Variants in GRIA4 observed in about 807,000 individuals in gnomAD.
GRIA4 encodes glutamate receptor 4.
A neutral mutation model predicts 104.0 loss-of-function variants in GRIA4; 34 were observed. The observed-to-expected ratio is 0.33, with a 90% CI of 0.25 to 0.44. The LOEUF (loss-of-function observed/expected upper bound fraction) is 0.44. Ranked by LOEUF, GRIA4 falls within the 20% of genes least tolerant of loss-of-function variation. GRIA4 has a pLI of 1.00. For synonymous variants in GRIA4, 386 were observed against 381.9 expected (o/e 1.01, Z -0.13); for missense variants, 750 against 1,096.5 (o/e 0.68, Z 4.46).
intron 5 of GRIA4, among the ~76,000 whole-genome samples, chr11:105,873,835 G>A (rs927966569): frequency 6.6e-6 from 1 of 152,132 alleles, no homozygotes; most frequent in Non-Finnish European, 1.5e-5. Flanking sequence ...CAGATGGATA[G>A]ATTGCAAAAA....
Position 105,611,037 on chromosome 11 carries a change from G to A in GRIA4, c.40G>A (p.Gly14Arg), listed in dbSNP as rs1280882533. Reference protein sequence around the residue: ...ISRQIVLLFSGFWGLAMGAFP... With the variant: ...ISRQIVLLFSRFWGLAMGAFP... ...CAGACAGATTGTCTTGTTATTTTCT[G>A]GATTTTGGGGACTCGCCATGGGAGC... is the stretch of plus-strand genomic sequence containing the variant. Residue 14 changes from glycine to arginine, a missense_variant, in exon 2 of 17, where the codon GGA (glycine) becomes AGA (arginine). Coordinates refer to ENST00000282499, the MANE Select transcript of GRIA4 (RefSeq NM_000829.4). The A allele has an allele frequency of 6.2e-7, 1 of 1,613,628 alleles. No homozygotes were observed. The highest frequency in any genetic ancestry group is 8.5e-7 in the Non-Finnish European group (1 of 1,179,712).
At chr11:105,610,878 T>TTTTTTTTTG in intron 1 of GRIA4, 30 bp from the exon 2 acceptor site, 1 of 474,340 alleles carries the variant, frequency 2.1e-6, no homozygotes, top group South Asian at 4.4e-5. Flanking sequence ...TTCTTTTTTT[T>TTTTTTTTTG]TTTTTTTTTT....
At chr11:105,680,119 G>GCC (rs1952662360) in intron 3 of GRIA4, among the ~76,000 whole-genome samples, 1 of 152,110 alleles carries the variant, frequency 6.6e-6, no homozygotes, top group Non-Finnish European at 1.5e-5. Context: ...TGCCTAAGTG[G>GCC]TTAACATCTA....
At chr11:105,789,528 C>T (rs763845230) in intron 4 of GRIA4, among the ~76,000 whole-genome samples, 2 of 152,082 alleles carry the variant, frequency 1.3e-5, no homozygotes, top group South Asian at 2.1e-4. Context: ...TCCTCCCGCC[C>T]CTCCTTTGTT....
chr11:105,657,334 T>C (rs188439174), intron 3 of GRIA4, among the ~76,000 whole-genome samples: 12 of 152,066 alleles, frequency 7.9e-5, no homozygotes, highest in African/African-American at 2.4e-4. Context: ...AACTTATCCA[T>C]GTAACCAAAC....
intron 4 of GRIA4, among the ~76,000 whole-genome samples, chr11:105,800,273 A>G (rs1942665212): frequency 6.6e-6 from 1 of 152,038 alleles, no homozygotes; most frequent in Admixed American, 6.6e-5. Context: ...GAAAGGGTGA[A>G]ATCAAGAGAA....
At chr11:105,840,295 G>C (rs643063) in intron 4 of GRIA4, among the ~76,000 whole-genome samples, 17,016 of 152,026 alleles carry the variant, frequency 0.11, 1,648 homozygotes, top group African/African-American at 0.26. Context: ...TGGACACAAG[G>C]ATTTTCTCAC....
chr11:105,858,913 A>G (rs567907809), intron 4 of GRIA4, among the ~76,000 whole-genome samples: 204 of 152,316 alleles, frequency 1.3e-3, no homozygotes, highest in Non-Finnish European at 2.3e-3. Flanking sequence ...GAGTAGAAGC[A>G]AGATTTAAAA....
chr11:105,810,383 G>A (rs920920848), intron 4 of GRIA4, among the ~76,000 whole-genome samples: 4 of 152,196 alleles, frequency 2.6e-5, no homozygotes, highest in African/African-American at 9.7e-5. Context: ...CTTGACCCAA[G>A]AGACAGGTTT....
chr11:105,821,306 T>G (rs900273910), intron 4 of GRIA4, among the ~76,000 whole-genome samples: 3 of 152,140 alleles, frequency 2.0e-5, no homozygotes, highest in African/African-American at 7.2e-5. Context: ...TATTGTTCCC[T>G]CTGAAGAAAT....
At chr11:105,879,309 G>A (rs553354076) in intron 5 of GRIA4, among the ~76,000 whole-genome samples, 1 of 152,322 alleles carries the variant, frequency 6.6e-6, no homozygotes, top group Non-Finnish European at 1.5e-5. Flanking sequence ...CTCGATGGGA[G>A]TGGCAGACCG....
At chr11:105,671,332 C>T (rs1054254305) in intron 3 of GRIA4, among the ~76,000 whole-genome samples, 10 of 151,982 alleles carry the variant, frequency 6.6e-5, no homozygotes, top group African/African-American at 2.4e-4. Context: ...AGGTGGTCAA[C>T]AGAGGTTTCA....
Position 105,862,121 on chromosome 11 carries a change from G to A in GRIA4, c.585G>A (p.Arg195=), listed in dbSNP as rs1358148745. 1.2e-6 allele frequency: 2 copies of A among 1,607,214 alleles called. No individual in the cohort carries two copies. Among genetic ancestry groups the A allele is most frequent in the Admixed American group, 1.7e-5 (1 of 59,966 alleles). The change falls in exon 5 of 17, where the codon AGG becomes AGA. Residue 195 remains arginine (R), a synonymous_variant. Coordinates refer to ENST00000282499, the MANE Select transcript of GRIA4 (RefSeq NM_000829.4). ...CVENFNDVSY[R]QLLEELDRRQ... ...AAAATTTTAATGATGTCAGCTATAGGCAACTTCTAGAAGAACTTGACAGAA... is the reference window on the plus strand; with the variant it reads ...AAAATTTTAATGATGTCAGCTATAGACAACTTCTAGAAGAACTTGACAGAA...
In GRIA4 at chr11:105,979,648, TC is replaced by T; in HGVS notation, c.2619del (p.Leu874Ter). On this transcript the variant is annotated frameshift_variant, in exon 17 of 17. Transcript: ENST00000282499. LOFTEE classifies it high-confidence loss of function. ...ITGSVGENGRVLTPDCPKAVH... is the reference protein window; with the variant it reads ...ITGSVGENGRXLTPDCPKAVH... ...GGGAGTGTGGGAGAGAATGGCCGCGTCTTGACGCCTGACTGCCCAAAGGCTG... is the reference window on the plus strand; with the variant it reads ...GGGAGTGTGGGAGAGAATGGCCGCGTTTGACGCCTGACTGCCCAAAGGCTG... 1.9e-6 allele frequency: 3 copies of T among 1,613,756 alleles called. No individual in the cohort carries two copies. Among genetic ancestry groups the T allele is most frequent in the Non-Finnish European group, 2.5e-6 (3 of 1,179,658 alleles).
intron 4 of GRIA4, among the ~76,000 whole-genome samples, chr11:105,841,793 G>T (rs575921018): frequency 6.6e-6 from 1 of 152,186 alleles, no homozygotes; most frequent in East Asian, 1.9e-4. Flanking sequence ...CTCCAGTTCG[G>T]ATATGCAGTC....
At chr11:105,705,445 A>C (rs2135533490) in intron 3 of GRIA4, among the ~76,000 whole-genome samples, 1 of 152,284 alleles carries the variant, frequency 6.6e-6, no homozygotes, top group South Asian at 2.1e-4. Context: ...CAAAAAACTA[A>C]AACAACACCA....
intron 14 of GRIA4, among the ~76,000 whole-genome samples, chr11:105,961,039 A>C (rs994672818): frequency 6.6e-6 from 1 of 152,126 alleles, no homozygotes; most frequent in Non-Finnish European, 1.5e-5. Context: ...TCTGAACGCC[A>C]CAGCTTCCAG....
intron 10 of GRIA4, chr11:105,912,850 T>C: frequency 1.0e-6 from 1 of 983,474 alleles, no homozygotes; most frequent in East Asian, 1.1e-4. Context: ...AAACAAGATA[T>C]TGGCATCTGC....
intron 3 of GRIA4, among the ~76,000 whole-genome samples, chr11:105,710,889 T>C (rs1953886552): frequency 6.6e-6 from 1 of 152,080 alleles, no homozygotes; most frequent in Non-Finnish European, 1.5e-5. Flanking sequence ...ATGGGTTATA[T>C]TTTCATTTTT....
Sources: gnomAD v4.1 joint callset for allele counts (sites outside exome capture counted in the v4.1 genomes callset) on GRCh38, gnomAD v4.1.1 for gene constraint, MANE v1.5 for transcripts, NCBI Gene and HGNC (gene_info 2026-07-23, HGNC 2026-07-21) for gene names.